The following SLC24A3 variants were observed in gnomAD, a reference collection of about 807,000 sequenced individuals.
SLC24A3 encodes solute carrier family 24 member 3.
SLC24A3 carries 28 observed loss-of-function variants against 75.8 expected under a neutral mutation model. The ratio of observed to expected loss-of-function variants is 0.37; its 90% CI spans 0.27 to 0.51. SLC24A3 has a LOEUF of 0.51. Ranked by LOEUF, SLC24A3 falls within the 20% of genes least tolerant of loss-of-function variation. The pLI is 0.94. For missense variants in SLC24A3, 663 were observed against 847.8 expected (o/e 0.78, Z 2.71); for synonymous variants, 372 against 334.1 (o/e 1.11, Z -1.24).
At chr20:19,518,037 C>T (rs2030030318) in intron 3 of SLC24A3, among the ~76,000 whole-genome samples, 1 of 152,216 alleles carries the variant, frequency 6.6e-6, no homozygotes, top group Non-Finnish European at 1.5e-5. Context: ...TGGAGTTGGA[C>T]AGTCACTTTT....
At chr20:19,558,109 T>C (rs1306371924) in intron 3 of SLC24A3, among the ~76,000 whole-genome samples, 1 of 152,134 alleles carries the variant, frequency 6.6e-6, no homozygotes, top group Non-Finnish European at 1.5e-5. Context: ...GTGTCCTCAT[T>C]TCAGGGCCCT....
chr20:19,325,793 TATAGAGAGAGAGAGAGAG>T (rs1984839947), intron 2 of SLC24A3, among the ~76,000 whole-genome samples: 4 of 82,808 alleles, frequency 4.8e-5, no homozygotes, highest in East Asian at 9.3e-4. Flanking sequence ...TATATATATA[TATAGAGAGAGAGAGAGAG>T]AGAGAGAGAG....
intron 7 of SLC24A3, among the ~76,000 whole-genome samples, chr20:19,664,250 G>T (rs6046234): frequency 3.9e-5 from 6 of 152,078 alleles, no homozygotes. Flanking sequence ...AAGAAAGTTG[G>T]GGGGGTTATA....
At chr20:19,248,647 G>A (rs1431998039) in intron 1 of SLC24A3, among the ~76,000 whole-genome samples, 1 of 152,048 alleles carries the variant, frequency 6.6e-6, no homozygotes, top group Non-Finnish European at 1.5e-5. Context: ...CCACTTCTGG[G>A]TATACATCCA....
chr20:19,572,943 T>A (rs144599964), intron 3 of SLC24A3, among the ~76,000 whole-genome samples: 3 of 152,124 alleles, frequency 2.0e-5, no homozygotes, highest in Non-Finnish European at 4.4e-5. Flanking sequence ...CTTGAAACTA[T>A]GAAAAAGAGG....
chr20:19,301,163 C>T (rs1984187253), intron 2 of SLC24A3, among the ~76,000 whole-genome samples: 1 of 152,158 alleles, frequency 6.6e-6, no homozygotes, highest in Admixed American at 6.5e-5. Context: ...CTCCCCTGCA[C>T]CTCTCCCTGT....
chr20:19,367,248 G>A, intron 2 of SLC24A3, among the ~76,000 whole-genome samples: 1 of 152,220 alleles, frequency 6.6e-6, no homozygotes, highest in East Asian at 1.9e-4. Flanking sequence ...CTCTTCCTCA[G>A]CTACCAGAAA....
chr20:19,472,264 G>A (rs79099685), intron 2 of SLC24A3, among the ~76,000 whole-genome samples: 13,179 of 152,262 alleles, frequency 0.087, 1,164 homozygotes, highest in African/African-American at 0.22. Context: ...GGGGCCCTGC[G>A]TTATGCACAT....
rs555800714 is a variant in SLC24A3 at position 19,653,325 on chromosome 20, G to C, written c.613-737G>C. 3.3e-5 allele frequency among the ~76,000 whole-genome samples: 5 copies of C among 152,328 alleles called. 1 individual carries two copies. The South Asian group carries it at 1.0e-3, about 32-fold the overall frequency. ...TATCAGCTTCGTGTCAGCAGAGCCA[G>C]CATCTCTTTAAAAAGGGCTATCTCC... is the stretch of plus-strand genomic sequence containing the variant. On this transcript the variant is annotated intron_variant, in intron 6 of 16. Coordinates refer to ENST00000328041, the MANE Select transcript of SLC24A3 (RefSeq NM_020689.4).
intron 2 of SLC24A3, among the ~76,000 whole-genome samples, chr20:19,404,103 G>A (rs1242789829): frequency 2.0e-5 from 3 of 152,172 alleles, no homozygotes; most frequent in African/African-American, 7.2e-5. Flanking sequence ...CTGCTTTACT[G>A]CAAAGCAATA....
At chr20:19,714,421 A>G (rs1381042047) in intron 15 of SLC24A3, among the ~76,000 whole-genome samples, 2 of 137,390 alleles carry the variant, frequency 1.5e-5, no homozygotes, top group African/African-American at 5.5e-5. Context: ...AAAAAAAAAA[A>G]AAAAACAACA....
intron 1 of SLC24A3, among the ~76,000 whole-genome samples, chr20:19,228,786 CAT>C (rs1405481796): frequency 2.0e-5 from 3 of 152,070 alleles, no homozygotes; most frequent in Non-Finnish European, 4.4e-5. Context: ...AAAGGCATGA[CAT>C]ATATTTTTAA....
chr20:19,515,400 A>AC, intron 2 of SLC24A3, 88 bp from the exon 3 acceptor site: 1 of 1,189,158 alleles, frequency 8.4e-7, no homozygotes, highest in African/African-American at 1.5e-5. Flanking sequence ...AAGTTCATGG[A>AC]CCCCATGTTA....
intron 3 of SLC24A3, among the ~76,000 whole-genome samples, chr20:19,562,288 CGT>C (rs2030886514): frequency 6.6e-6 from 1 of 152,112 alleles, no homozygotes; most frequent in African/African-American, 2.4e-5. Flanking sequence ...CTCTAACAGC[CGT>C]AGAACCAAAA....
chr20:19,637,408 G>C (rs930180473), intron 6 of SLC24A3, among the ~76,000 whole-genome samples: 1 of 152,206 alleles, frequency 6.6e-6, no homozygotes, highest in Non-Finnish European at 1.5e-5. Context: ...CCAAAATAGA[G>C]ACTTGAGAGA....
At chr20:19,481,363 G>T (rs1000154035) in intron 2 of SLC24A3, among the ~76,000 whole-genome samples, 1 of 152,198 alleles carries the variant, frequency 6.6e-6, no homozygotes, top group African/African-American at 2.4e-5. Flanking sequence ...TGAAGTGTAT[G>T]AGGCCACAGC....
At chr20:19,312,234 G>C (rs1402907329) in intron 2 of SLC24A3, among the ~76,000 whole-genome samples, 1 of 152,196 alleles carries the variant, frequency 6.6e-6, no homozygotes, top group Non-Finnish European at 1.5e-5. Context: ...TCAGTGAAGG[G>C]CTTCATTCTT....
At chr20:19,257,125 T>C (rs1212401833) in intron 1 of SLC24A3, among the ~76,000 whole-genome samples, 8 of 152,286 alleles carry the variant, frequency 5.3e-5, no homozygotes, top group African/African-American at 1.9e-4. Flanking sequence ...AAAAGTTCAT[T>C]TGGGTCTTTT....
At chr20:19,339,031 G>T (rs1243683668) in intron 2 of SLC24A3, among the ~76,000 whole-genome samples, 2 of 152,174 alleles carry the variant, frequency 1.3e-5, no homozygotes, top group South Asian at 2.1e-4. Flanking sequence ...TGGGATAGCT[G>T]GTCCTCAGCA....
Sources: allele counts gnomAD v4.1 joint callset (sites outside exome capture counted in the v4.1 genomes callset), GRCh38; gene constraint gnomAD v4.1.1; transcripts MANE v1.5; gene names NCBI Gene and HGNC (gene_info 2026-07-23, HGNC 2026-07-21).